The following CCDC18 variants were observed in gnomAD, a reference collection of about 807,000 sequenced individuals.
CCDC18 encodes the protein coiled-coil domain containing 18.
Under a neutral mutation model 196.0 loss-of-function variants are expected in CCDC18, and 157 were observed. The observed-to-expected ratio is 0.80, with a 90% CI of 0.70 to 0.91. The LOEUF (loss-of-function observed/expected upper bound fraction) is 0.91, where lower values mean the gene tolerates loss of function less well. Ranked by LOEUF, CCDC18 falls within the 40% of genes least tolerant of loss-of-function variation. CCDC18 has a pLI of 0.00. For missense variants in CCDC18, 1,465 were observed against 1,611.6 expected (o/e 0.91, Z 1.56); for synonymous variants, 482 against 529.2 (o/e 0.91, Z 1.22).
chr1:93,227,957 C>CAAAAAA (rs71586784), intron 17 of CCDC18, among the ~76,000 whole-genome samples: 4 of 105,174 alleles, frequency 3.8e-5, no homozygotes, highest in East Asian at 2.4e-4. Flanking sequence ...GACCCTATCT[C>CAAAAAA]AAAAAAAAAA....
chr1:93,198,087 A>G (rs1653102239), intron 6 of CCDC18, among the ~76,000 whole-genome samples: 1 of 152,156 alleles, frequency 6.6e-6, no homozygotes, highest in African/African-American at 2.4e-5. Flanking sequence ...GTAAATTGGT[A>G]GAACCACTTT....
chr1:93,243,034 G>A (rs1342268380), intron 21 of CCDC18, among the ~76,000 whole-genome samples: 2 of 152,184 alleles, frequency 1.3e-5, no homozygotes, highest in East Asian at 3.9e-4. Flanking sequence ...TTATTCTGGG[G>A]TTCTGGAGGA....
At chr1:93,215,803 T>C (rs1304781288) in intron 12 of CCDC18, among the ~76,000 whole-genome samples, 2 of 152,328 alleles carry the variant, frequency 1.3e-5, no homozygotes, top group East Asian at 3.9e-4. Flanking sequence ...TTAAAGAGTC[T>C]GTATTTTTAA....
At chr1:93,191,898 G>A (rs1441009301) in intron 4 of CCDC18, 102 bp from the exon 5 acceptor site, 1 of 688,592 alleles carries the variant, frequency 1.5e-6, no homozygotes, top group Non-Finnish European at 2.6e-6. Context: ...CCAATGATTT[G>A]GGAGCCCTAT....
chr1:93,218,341 TC>T (rs1176296875), intron 14 of CCDC18, among the ~76,000 whole-genome samples: 1 of 152,218 alleles, frequency 6.6e-6, no homozygotes, highest in Non-Finnish European at 1.5e-5. Context: ...ATATATTTTT[TC>T]CTATACATAC....
intron 6 of CCDC18, among the ~76,000 whole-genome samples, chr1:93,201,605 T>C (rs1653845262): frequency 6.6e-6 from 1 of 152,154 alleles, no homozygotes; most frequent in Non-Finnish European, 1.5e-5. Context: ...AATCTGTCTT[T>C]TCCAGATAGG....
chr1:93,210,591 AC>A (rs1368597166), intron 9 of CCDC18, among the ~76,000 whole-genome samples: 4 of 152,146 alleles, frequency 2.6e-5, no homozygotes, highest in Non-Finnish European at 5.9e-5. Flanking sequence ...ATGTATCCAT[AC>A]TGATTTATGT....
At chr1:93,267,500 C>T (rs1088318) in intron 27 of CCDC18, among the ~76,000 whole-genome samples, 76,682 of 151,960 alleles carry the variant, frequency 0.5, 22,958 homozygotes, top group African/African-American at 0.85. Context: ...GGAAGTCAAA[C>T]TGTCCCTGTT....
chr1:93,274,468 G>T (rs941088414), intron 28 of CCDC18, among the ~76,000 whole-genome samples: 1 of 152,104 alleles, frequency 6.6e-6, no homozygotes, highest in Non-Finnish European at 1.5e-5. Context: ...TTCTTACTCT[G>T]TAGGTTTTTG....
intron 18 of CCDC18, among the ~76,000 whole-genome samples, chr1:93,234,545 G>A (rs1659753579): frequency 6.6e-6 from 1 of 152,166 alleles, no homozygotes; most frequent in Non-Finnish European, 1.5e-5. Context: ...GAGGTCTACA[G>A]AAGTTTATAT....
chr1:93,234,910 A>T (rs1170461382), intron 18 of CCDC18, among the ~76,000 whole-genome samples: 1 of 140,406 alleles, frequency 7.1e-6, no homozygotes, highest in Non-Finnish European at 1.5e-5. Context: ...CTGCCTTCCA[A>T]GTGCATACCA....
At chr1:93,262,932 C>G (rs1293072575) in intron 26 of CCDC18, among the ~76,000 whole-genome samples, 1 of 152,172 alleles carries the variant, frequency 6.6e-6, no homozygotes, top group Non-Finnish European at 1.5e-5. Flanking sequence ...CAAAGCTCAA[C>G]TCTTGTCTTC....
chr1:93,180,858 TC>T lies in CCDC18; in HGVS notation c.-3+7del. 1 of 1,365,682 alleles carries T rather than the reference TC, an allele frequency of 7.3e-7. No individual in the cohort carries two copies. Among genetic ancestry groups the T allele is most frequent in the Non-Finnish European group, 9.8e-7 (1 of 1,021,882 alleles). 84.6% of individuals were successfully genotyped at this position (1,365,682 alleles called of 1,614,324 possible). On this transcript the variant is annotated splice_region_variant and intron_variant, in intron 1 of 28. Coordinates refer to ENST00000690025, the MANE Select transcript of CCDC18 (RefSeq NM_001378204.1). ...GCGAAGCGCGCAGTCGCCGGGTGGG[TC>T]TCTCCCCAGCGACGATTTGGGTGGT... is the stretch of plus-strand genomic sequence containing the variant.
At position 93,270,755 on chromosome 1, in the gene CCDC18, A is replaced by C; in HGVS notation, c.4294A>C (p.Asn1432His). ...GCTTAGTGGGATGCTAAGATACATAAACAAAGAAGTAAGACTATTAAAAAA... is the reference window on the plus strand; with the variant it reads ...GCTTAGTGGGATGCTAAGATACATACACAAAGAAGTAAGACTATTAAAAAA... ...NTLSGMLRYINKEVRLLKKSS... is the reference protein window; with the variant it reads ...NTLSGMLRYIHKEVRLLKKSS... The change falls in exon 28 of 29, where the codon AAC becomes CAC. Residue 1432 changes from asparagine (N) to histidine (H), a missense_variant. Coordinates refer to ENST00000690025, the MANE Select transcript of CCDC18 (RefSeq NM_001378204.1). 2 of 1,548,640 alleles carry C rather than the reference A, an allele frequency of 1.3e-6. No homozygotes were observed. The highest frequency in any genetic ancestry group is 1.7e-6 in the Non-Finnish European group (2 of 1,146,396).
chr1:93,239,404 A>T lies in CCDC18; in HGVS notation c.2698A>T (p.Met900Leu). ...HLKRDGENKA[M>L]HLSQLDMILD... ...AAAACGAGATGGAGAAAATAAAGCA[A>T]TGCACCTCTCTCAATTAGATATGAT... The change falls in exon 20 of 29, where the codon ATG (methionine) becomes TTG (leucine). Residue 900 changes from methionine to leucine, a missense_variant. Coordinates refer to ENST00000690025, the MANE Select transcript of CCDC18 (RefSeq NM_001378204.1). 6.2e-7 allele frequency: 1 copy of T among 1,613,474 alleles called. No individual in the cohort carries two copies. Among genetic ancestry groups the T allele is most frequent in the Non-Finnish European group, 8.5e-7 (1 of 1,179,626 alleles).
At chr1:93,252,494 TAA>T (rs1049826576) in intron 23 of CCDC18, among the ~76,000 whole-genome samples, 7 of 152,318 alleles carry the variant, frequency 4.6e-5, no homozygotes, top group Admixed American at 2.0e-4. Flanking sequence ...TATTCTCTGT[TAA>T]GTTTTTTTGA....
At chr1:93,262,105 C>G (rs192353365) in intron 26 of CCDC18, 1 of 152,118 alleles carries the variant, frequency 6.6e-6, no homozygotes, top group Non-Finnish European at 1.5e-5. Flanking sequence ...GGGGGAACCA[C>G]CCCCATGATC....
At chr1:93,264,576 C>G (rs1198492716) in intron 26 of CCDC18, 125 bp from the exon 27 acceptor site, 2 of 584,218 alleles carry the variant, frequency 3.4e-6, no homozygotes, top group Non-Finnish European at 6.1e-6. Context: ...ATGTTTGTAA[C>G]TATAAACAGA....
At chr1:93,207,933 A>G (rs1654970072) in intron 9 of CCDC18, among the ~76,000 whole-genome samples, 1 of 152,036 alleles carries the variant, frequency 6.6e-6, no homozygotes, top group Admixed American at 6.6e-5. Context: ...AGAGTCGTTC[A>G]TGTTGTGATA....
Sources: allele counts gnomAD v4.1 joint callset (sites outside exome capture counted in the v4.1 genomes callset), GRCh38; gene constraint gnomAD v4.1.1; transcripts MANE v1.5; gene names NCBI Gene and HGNC (gene_info 2026-07-23, HGNC 2026-07-21).